Variants in SYTL3 observed in about 807,000 individuals in gnomAD.
The protein encoded by SYTL3 is synaptotagmin like 3, also known as synaptotagmin-like protein 3.
Under a neutral mutation model 82.1 loss-of-function variants are expected in SYTL3, and 88 were observed. That is an observed-to-expected ratio of 1.07 (90% confidence interval 0.90 to 1.28). The LOEUF (loss-of-function observed/expected upper bound fraction) is 1.28, where lower values mean the gene tolerates loss of function less well. Among genes scored for constraint, SYTL3 ranks in the 50% most tolerant of loss-of-function variants. The pLI, the probability that SYTL3 is intolerant of heterozygous loss-of-function variation, is 0.00. For missense variants in SYTL3, 831 were observed against 757.6 expected (o/e 1.10, Z -1.14); for synonymous variants, 311 against 289.4 (o/e 1.07, Z -0.76).
chr6:158,659,715 G>A (rs1158682552), intron 2 of SYTL3, among the ~76,000 whole-genome samples: 1 of 152,158 alleles, frequency 6.6e-6, no homozygotes, highest in Non-Finnish European at 1.5e-5. Flanking sequence ...GTGTATTAAA[G>A]CTATAGACAG....
Position 158,713,806 on chromosome 6 carries a change from G to A in SYTL3, c.523G>A (p.Glu175Lys), listed in dbSNP as rs1168563844. Reference sequence around the variant, plus strand: ...CCTTCTGTCTCTGTTTTAGTTACAGGAATTTGGTCAGTTTAGAGGATTTAA... The same window carrying A: ...CCTTCTGTCTCTGTTTTAGTTACAGAAATTTGGTCAGTTTAGAGGATTTAA... ...QCSRSPGRLQ[E>K]FGQFRGFNKS... The change falls in exon 9 of 18, where the codon GAA becomes AAA. Residue 175 changes from glutamate to lysine, a missense_variant. Glu to Lys is a moderately conservative substitution (Grantham distance 56). Coordinates refer to ENST00000611299, the MANE Select transcript of SYTL3 (RefSeq NM_001242394.2). 1.3e-6 allele frequency: 2 copies of A among 1,547,158 alleles called. No homozygotes were observed. The highest frequency in any genetic ancestry group is 1.7e-6 in the Non-Finnish European group (2 of 1,143,560).
At chr6:158,722,427 G>A (rs1350022354) in intron 10 of SYTL3, among the ~76,000 whole-genome samples, 1 of 152,138 alleles carries the variant, frequency 6.6e-6, no homozygotes, top group Non-Finnish European at 1.5e-5. Flanking sequence ...ATCACGCGGT[G>A]ACTCGGGGAT....
intron 1 of SYTL3, among the ~76,000 whole-genome samples, 171 bp downstream of exon 1, chr6:158,650,249 A>C (rs150996569): frequency 6.6e-6 from 1 of 152,222 alleles, no homozygotes; most frequent in South Asian, 2.1e-4. Flanking sequence ...TTATTGAATA[A>C]CATACATTTA....
At chr6:158,761,836 C>CTAGG (rs1459041411) in intron 15 of SYTL3, among the ~76,000 whole-genome samples, 1 of 152,202 alleles carries the variant, frequency 6.6e-6, no homozygotes, top group Non-Finnish European at 1.5e-5. Flanking sequence ...TTACTCTTTT[C>CTAGG]TAGGATCTTA....
At chr6:158,665,669 T>G in intron 5 of SYTL3, 56 bp downstream of exon 5, 2 of 1,374,106 alleles carry the variant, frequency 1.5e-6, no homozygotes, top group Non-Finnish European at 2.0e-6. Context: ...GGAGGAGGCC[T>G]CTTTACAAAC....
At chr6:158,693,131 A>T (rs1311760814) in intron 6 of SYTL3, among the ~76,000 whole-genome samples, 2 of 152,192 alleles carry the variant, frequency 1.3e-5, no homozygotes, top group African/African-American at 4.8e-5. Context: ...TGGAGTCCAT[A>T]GTTTATGTGT....
At chr6:158,724,137 T>G (rs940265095) in intron 10 of SYTL3, among the ~76,000 whole-genome samples, 5 of 152,312 alleles carry the variant, frequency 3.3e-5, no homozygotes, top group Admixed American at 3.3e-4. Flanking sequence ...TTGAATGGTG[T>G]CTCTGTCTTC....
intron 6 of SYTL3, among the ~76,000 whole-genome samples, chr6:158,706,555 TAGC>T (rs972084051): frequency 1.3e-5 from 2 of 152,194 alleles, no homozygotes; most frequent in African/African-American, 4.8e-5. Flanking sequence ...GAACCTCCCT[TAGC>T]AGGAGAATGC....
Position 158,713,879 on chromosome 6 carries a change from G to A in SYTL3, c.595+1G>A, listed in dbSNP as rs1316726857. 1 of 1,516,508 alleles carries A rather than the reference G, an allele frequency of 6.6e-7. No individual in the cohort carries two copies. Among genetic ancestry groups the A allele is most frequent in the Non-Finnish European group, 8.9e-7 (1 of 1,119,806 alleles). 93.9% of individuals were successfully genotyped at this position (1,516,508 alleles called of 1,614,324 possible). On this transcript the variant is annotated splice_donor_variant, in intron 9 of 17. Coordinates refer to ENST00000611299, the MANE Select transcript of SYTL3 (RefSeq NM_001242394.2). LOFTEE classifies it high-confidence loss of function. ...CTGTCTCTTGCTACCCACGTGAAAAGTAAGTGCATGCTTCATGATGTGTTT... is the reference window on the plus strand; with the variant it reads ...CTGTCTCTTGCTACCCACGTGAAAAATAAGTGCATGCTTCATGATGTGTTT...
intron 6 of SYTL3, among the ~76,000 whole-genome samples, chr6:158,690,276 A>G (rs961414620): frequency 2.0e-5 from 3 of 152,236 alleles, no homozygotes; most frequent in Non-Finnish European, 4.4e-5. Context: ...TCATTTGGCC[A>G]CAAAAAGTGC....
chr6:158,726,339 TC>T (rs1292378944), intron 11 of SYTL3: 9 of 364,406 alleles, frequency 2.5e-5, no homozygotes, highest in African/African-American at 1.9e-4. Context: ...CTTCAAGATG[TC>T]CCCTGCATGA....
chr6:158,704,816 T>A (rs1292757189), intron 6 of SYTL3, among the ~76,000 whole-genome samples: 1 of 142,350 alleles, frequency 7.0e-6, no homozygotes, highest in Non-Finnish European at 1.6e-5. Context: ...AGGGACAGAG[T>A]GACAGTGAGG....
At chr6:158,696,103 A>G (rs980129816) in intron 6 of SYTL3, among the ~76,000 whole-genome samples, 2 of 152,312 alleles carry the variant, frequency 1.3e-5, no homozygotes, top group South Asian at 2.1e-4. Flanking sequence ...AGGAACTGCC[A>G]TGGAATTTTC....
At chr6:158,741,249 T>C (rs771611947) in intron 11 of SYTL3, among the ~76,000 whole-genome samples, 4 of 152,164 alleles carry the variant, frequency 2.6e-5, no homozygotes, top group Non-Finnish European at 5.9e-5. Flanking sequence ...TTTGTGTTTT[T>C]AGTAGAGACA....
intron 13 of SYTL3, among the ~76,000 whole-genome samples, chr6:158,755,950 CTTT>C (rs1043991911): frequency 6.6e-6 from 1 of 152,088 alleles, no homozygotes; most frequent in Non-Finnish European, 1.5e-5. Flanking sequence ...TTCCAAGCTG[CTTT>C]TTTTTCACCT....
intron 15 of SYTL3, among the ~76,000 whole-genome samples, 187 bp downstream of exon 15, chr6:158,760,932 G>T (rs1562474794): frequency 6.6e-6 from 1 of 152,174 alleles, no homozygotes; most frequent in Non-Finnish European, 1.5e-5. Flanking sequence ...GCCCGTAGTG[G>T]GGGAAACGGG....
chr6:158,696,707 T>C (rs761831722), intron 6 of SYTL3, among the ~76,000 whole-genome samples: 2 of 152,018 alleles, frequency 1.3e-5, no homozygotes, highest in Non-Finnish European at 2.9e-5. Context: ...TTTAATTGGA[T>C]TGTTTTGTTT....
At chr6:158,747,164 T>C (rs1787769817) in intron 12 of SYTL3, among the ~76,000 whole-genome samples, 1 of 151,692 alleles carries the variant, frequency 6.6e-6, no homozygotes, top group Non-Finnish European at 1.5e-5. Flanking sequence ...TTTTTGTATC[T>C]TTAGTAGAGA....
intron 5 of SYTL3, among the ~76,000 whole-genome samples, chr6:158,681,919 A>T (rs1778738499): frequency 6.6e-6 from 1 of 152,196 alleles, no homozygotes; most frequent in African/African-American, 2.4e-5. Context: ...AGCGTCCCAC[A>T]GTTGACATGA....
Sources: gnomAD v4.1 joint callset for allele counts (sites outside exome capture counted in the v4.1 genomes callset) on GRCh38, gnomAD v4.1.1 for gene constraint, MANE v1.5 for transcripts, NCBI Gene and HGNC (gene_info 2026-07-23, HGNC 2026-07-21) for gene names.